SMU1: variants seen among roughly 807,000 people sequenced by gnomAD.
SMU1 encodes SMU1 DNA replication regulator and spliceosomal factor, also known as WD40 repeat-containing protein SMU1.
Under a neutral mutation model 62.0 loss-of-function variants are expected in SMU1, and 2 were observed. The ratio of observed to expected loss-of-function variants is 0.03; its 90% CI spans 0.01 to 0.10. SMU1 has a LOEUF of 0.10. SMU1 is among the 10% of genes least tolerant of loss of function. SMU1 has a pLI of 1.00. For missense variants in SMU1, 227 were observed against 622.1 expected, an observed-to-expected ratio of 0.36 and a Z score of 6.76; for synonymous variants, 188 against 212.4, an observed-to-expected ratio of 0.89 and a Z score of 1.00.
rs1292372112 is a variant in SMU1, at chr9:33,044,314, G to T, written c.*2979C>A. 5 of 152,410 alleles carry T rather than the reference G, an allele frequency of 3.3e-5. No homozygotes were observed. Among genetic ancestry groups the T allele is most frequent in the Non-Finnish European group, 7.3e-5 (5 of 68,102 alleles). 9.4% of individuals were successfully genotyped at this position (152,410 alleles called of 1,614,324 possible). ...TTAAGACGATGTGACCGCCAATTTT[G>T]TAACAGTGACGTCACCCGACGTCTG... is the stretch of plus-strand genomic sequence containing the variant. On this transcript the variant is annotated 3_prime_UTR_variant, in exon 12 of 12. Coordinates refer to ENST00000397149, the MANE Select transcript of SMU1 (RefSeq NM_018225.3).
At chr9:33,061,183 A>G (rs1401088269) in intron 5 of SMU1, among the ~76,000 whole-genome samples, 2 of 152,194 alleles carry the variant, frequency 1.3e-5, no homozygotes, top group Non-Finnish European at 2.9e-5. Flanking sequence ...ACAGATGAAA[A>G]CTACAGAAAA....
In SMU1 at chr9:33,048,273, ACCCC is replaced by A. The variant is rs1200089533; in HGVS notation, c.1291-19_1291-16del. ...CTTCTGACAATCTAGATCACACCAC[ACCCC>A]AAGAAAAAAACATCAGGATTAGTAG... On this transcript the variant is annotated splice_polypyrimidine_tract_variant and intron_variant, in intron 10 of 11. Coordinates refer to ENST00000397149, the MANE Select transcript of SMU1 (RefSeq NM_018225.3). 6.2e-7 allele frequency: 1 copy of A among 1,612,744 alleles called. No individual in the cohort carries two copies. Among genetic ancestry groups the A allele is most frequent in the Admixed American group, 1.7e-5 (1 of 59,590 alleles).
intron 4 of SMU1, among the ~76,000 whole-genome samples, chr9:33,063,037 G>A (rs957411853): frequency 7.9e-5 from 12 of 152,122 alleles, no homozygotes; most frequent in African/African-American, 2.9e-4. Context: ...TTGACTCCCA[G>A]TTTTGCCAAC....
intron 9 of SMU1, 75 bp downstream of exon 9, chr9:33,056,036 ATT>A: frequency 1.4e-6 from 2 of 1,436,530 alleles, no homozygotes; most frequent in Non-Finnish European, 1.9e-6. Context: ...AATCATTCCC[ATT>A]ATCACCACTG....
chr9:33,068,724 C>G, intron 4 of SMU1, 100 bp downstream of exon 4: 1 of 1,386,710 alleles, frequency 7.2e-7, no homozygotes, highest in Non-Finnish European at 9.8e-7. Flanking sequence ...AGGCTGGTCT[C>G]CAACTACTAG....
Position 33,043,029 on chromosome 9 carries a change from G to A in SMU1, c.*4264C>T, listed in dbSNP as rs1368180830. 6.6e-6 allele frequency: 1 copy of A among 152,124 alleles called. No individual in the cohort carries two copies. The highest frequency in any genetic ancestry group is 1.5e-5 in the Non-Finnish European group (1 of 68,102). 9.4% of individuals were successfully genotyped at this position (152,124 alleles called of 1,614,324 possible). On this transcript the variant is annotated 3_prime_UTR_variant, in exon 12 of 12. Coordinates refer to ENST00000397149, the MANE Select transcript of SMU1 (RefSeq NM_018225.3). ...TTTGTATCCTTAGTAGAGACAGGGT[G>A]TCACCATGTTGGCCAGGGTGGTCTT...
rs1839318821 is a variant in SMU1 at position 33,057,794 on chromosome 9, G to A, written c.751-80C>T. ...TCTCTACAAACTCACAAAAACCAGG[G>A]GCAATGGATTGTACCTACTCTAAAC... On this transcript the variant is annotated intron_variant, in intron 6 of 11. Coordinates refer to ENST00000397149, the MANE Select transcript of SMU1 (RefSeq NM_018225.3). 3.8e-6 allele frequency: 6 copies of A among 1,577,456 alleles called. No individual in the cohort carries two copies. In the South Asian group the frequency reaches 5.7e-5, roughly 15 times the overall value.
intron 2 of SMU1, 74 bp downstream of exon 2, chr9:33,073,518 GCTCA>G: frequency 1.0e-6 from 1 of 971,192 alleles, no homozygotes. Flanking sequence ...TTGAAGGAAT[GCTCA>G]CTGACGCTTT....
In SMU1 at chr9:33,043,922, A is replaced by G. The variant is rs1205179463; in HGVS notation, c.*3371T>C. On this transcript the variant is annotated 3_prime_UTR_variant, in exon 12 of 12. Transcript: ENST00000397149. ...ACAGAGGCCGTTAGTGGTAGTAATA[A>G]TACATGCTGAAAAAAAACAACTGGT... The G allele has an allele frequency of 6.6e-6, 1 of 152,012 alleles. No homozygotes were observed. The highest frequency in any genetic ancestry group is 1.5e-5 in the Non-Finnish European group (1 of 67,972). 9.4% of individuals were successfully genotyped at this position (152,012 alleles called of 1,614,324 possible).
At chr9:33,055,968 G>T in intron 9 of SMU1, 145 bp downstream of exon 9, 2 of 718,934 alleles carry the variant, frequency 2.8e-6, no homozygotes, top group Non-Finnish European at 4.2e-6. Flanking sequence ...TACTGTTGTT[G>T]TCTCAGACTC....
intron 3 of SMU1, among the ~76,000 whole-genome samples, chr9:33,071,247 G>T (rs1839482978): frequency 6.6e-6 from 1 of 152,046 alleles, no homozygotes; most frequent in African/African-American, 2.4e-5. Flanking sequence ...AGATAATAAG[G>T]TTTAGGAAGA....
intron 4 of SMU1, among the ~76,000 whole-genome samples, chr9:33,065,526 G>A (rs1387914750): frequency 6.6e-6 from 1 of 152,162 alleles, no homozygotes; most frequent in African/African-American, 2.4e-5. Context: ...TTTAGAAGGT[G>A]AAAAGTGAAT....
At chr9:33,066,961 C>T (rs969811826) in intron 4 of SMU1, among the ~76,000 whole-genome samples, 1 of 151,848 alleles carries the variant, frequency 6.6e-6, no homozygotes, top group African/African-American at 2.4e-5. Context: ...AGAAGGGCCT[C>T]AGGAAAGATA....
chr9:33,052,914 A>G (rs185107952), intron 10 of SMU1, among the ~76,000 whole-genome samples: 21 of 152,406 alleles, frequency 1.4e-4, no homozygotes, highest in Non-Finnish European at 3.1e-4. Context: ...TGCTTAATAT[A>G]CAAACATCCA....
At chr9:33,053,669 G>C (rs1207335410) in intron 9 of SMU1, among the ~76,000 whole-genome samples, 1 of 152,168 alleles carries the variant, frequency 6.6e-6, no homozygotes, top group African/African-American at 2.4e-5. Context: ...GTAGTACTTG[G>C]CATGGGGCAG....
chr9:33,055,714 G>A (rs1029430862), intron 9 of SMU1, among the ~76,000 whole-genome samples: 5 of 152,184 alleles, frequency 3.3e-5, no homozygotes, highest in African/African-American at 1.2e-4. Flanking sequence ...CAGGAGTGCA[G>A]TGAGGCTGTG....
At position 33,075,193 on chromosome 9, in the gene SMU1, G is replaced by A. The variant is rs180834929; in HGVS notation, c.27-1387C>T. On this transcript the variant is annotated intron_variant, in intron 1 of 11. Coordinates refer to ENST00000397149, the MANE Select transcript of SMU1 (RefSeq NM_018225.3). ...AGATCGAGACCATCCTGGCTAACAC[G>A]GTGAAACCCCGTCTCTACTAAAAAT... Among the ~76,000 whole-genome samples, 9 of 152,164 alleles carry A rather than the reference G, an allele frequency of 5.9e-5. No homozygotes were observed. The East Asian group carries it at 1.7e-3, about 29-fold the overall frequency.
intron 2 of SMU1, 135 bp downstream of exon 2, chr9:33,073,461 T>C (rs112501063): frequency 3.4e-5 from 21 of 612,408 alleles, no homozygotes; most frequent in African/African-American, 1.9e-4. Context: ...AAAAATACAA[T>C]GTCAAGCCTT....
intron 4 of SMU1, 38 bp downstream of exon 4, chr9:33,068,786 T>C: frequency 6.2e-7 from 1 of 1,607,764 alleles, no homozygotes; most frequent in Non-Finnish European, 8.5e-7. Flanking sequence ...ATGACAGGTG[T>C]GAGCCACCAC....
Sources: gnomAD v4.1 joint callset for allele counts (sites outside exome capture counted in the v4.1 genomes callset) on GRCh38, gnomAD v4.1.1 for gene constraint, MANE v1.5 for transcripts, NCBI Gene and HGNC (gene_info 2026-07-23, HGNC 2026-07-21) for gene names.